The following CATSPERB variants were observed in gnomAD, a reference collection of about 807,000 sequenced individuals.
CATSPERB encodes the protein cation channel sperm-associated auxiliary subunit beta.
A neutral mutation model predicts 128.3 loss-of-function variants in CATSPERB; 93 were observed. The ratio of observed to expected loss-of-function variants is 0.72; its 90% confidence interval spans 0.61 to 0.86. The LOEUF (loss-of-function observed/expected upper bound fraction) is 0.86, where lower values mean the gene tolerates loss of function less well. Among genes scored for constraint, CATSPERB ranks in the 40% least tolerant of loss-of-function variants. The pLI, the probability that CATSPERB is intolerant of heterozygous loss-of-function variation, is 0.00. For synonymous variants in CATSPERB, 381 were observed against 448.8 expected, an observed-to-expected ratio of 0.85 and a Z score of 1.91; for missense variants, 1,153 against 1,329.5, an observed-to-expected ratio of 0.87 and a Z score of 2.06.
At chr14:91,591,295 T>C (rs1431607524) in intron 23 of CATSPERB, among the ~76,000 whole-genome samples, 1 of 151,970 alleles carries the variant, frequency 6.6e-6, no homozygotes, top group African/African-American at 2.4e-5. Context: ...CCTCAGGTGA[T>C]CCACCGGCGT....
intron 16 of CATSPERB, among the ~76,000 whole-genome samples, chr14:91,638,163 C>A (rs918089882): frequency 6.6e-6 from 1 of 152,184 alleles, no homozygotes; most frequent in Non-Finnish European, 1.5e-5. Context: ...GTTTTACTAA[C>A]CCCAGTCAAA....
At chr14:91,660,011 A>G (rs375641039) in intron 14 of CATSPERB, 30 bp from the exon 15 acceptor site, 7 of 1,541,002 alleles carry the variant, frequency 4.5e-6, no homozygotes, top group Non-Finnish European at 6.1e-6. Flanking sequence ...ATACCTTACT[A>G]AAGGGCTGCC....
At chr14:91,650,077 T>C (rs1472849108) in intron 15 of CATSPERB, among the ~76,000 whole-genome samples, 1 of 152,226 alleles carries the variant, frequency 6.6e-6, no homozygotes, top group African/African-American at 2.4e-5. Context: ...CGTCTTATAA[T>C]TGATGTGTCT....
intron 14 of CATSPERB, 127 bp downstream of exon 14, chr14:91,669,687 T>A: frequency 2.3e-6 from 2 of 872,700 alleles, no homozygotes; most frequent in South Asian, 2.1e-5. Flanking sequence ...AGTCAATAAA[T>A]ATTGTCTTCC....
intron 16 of CATSPERB, among the ~76,000 whole-genome samples, chr14:91,638,005 A>T (rs1704634): frequency 0.24 from 36,219 of 152,040 alleles, 4,500 homozygotes; most frequent in South Asian, 0.38. Context: ...AACTCTCCCA[A>T]GGAAGTTCCT....
chr14:91,602,895 G>GTCA (rs750170890), intron 22 of CATSPERB, among the ~76,000 whole-genome samples: 15 of 152,020 alleles, frequency 9.9e-5, no homozygotes, highest in Non-Finnish European at 7.4e-5. Flanking sequence ...CAGCATCATT[G>GTCA]TCATCATCAT....
At chr14:91,702,675 A>AACACACACACACACAC (rs71461951) in intron 7 of CATSPERB, among the ~76,000 whole-genome samples, 11 of 145,592 alleles carry the variant, frequency 7.6e-5, no homozygotes, top group Middle Eastern at 3.4e-3. Flanking sequence ...CAAAAAAGAA[A>AACACACACACACACAC]ACACACACAC....
At chr14:91,633,430 A>G (rs1463234675) in intron 17 of CATSPERB, among the ~76,000 whole-genome samples, 1 of 152,170 alleles carries the variant, frequency 6.6e-6, no homozygotes. Context: ...TAAAAAAAAA[A>G]GAAAACAATT....
At chr14:91,709,346 T>A (rs1192443570) in intron 5 of CATSPERB, 1 of 151,830 alleles carries the variant, frequency 6.6e-6, no homozygotes, top group East Asian at 1.9e-4. Context: ...ATGGGATTGG[T>A]TCAAAGTTGG....
chr14:91,623,789 G>A (rs1312912467), intron 18 of CATSPERB, among the ~76,000 whole-genome samples: 2 of 152,106 alleles, frequency 1.3e-5, no homozygotes, highest in African/African-American at 2.4e-5. Flanking sequence ...GTGGCTTCCC[G>A]TTTAGTCAGA....
At chr14:91,673,260 C>G (rs1280788238) in intron 12 of CATSPERB, among the ~76,000 whole-genome samples, 1 of 118,206 alleles carries the variant, frequency 8.5e-6, no homozygotes, top group Non-Finnish European at 1.9e-5. Context: ...TGAAACTCAA[C>G]GGATCACTGC....
At chr14:91,651,117 T>C (rs952777230) in intron 15 of CATSPERB, among the ~76,000 whole-genome samples, 3 of 152,332 alleles carry the variant, frequency 2.0e-5, no homozygotes, top group Admixed American at 6.5e-5. Context: ...TTTCTATGAA[T>C]TGCAATCTTT....
At chr14:91,700,291 C>A (rs769319865) in intron 7 of CATSPERB, among the ~76,000 whole-genome samples, 2 of 152,110 alleles carry the variant, frequency 1.3e-5, no homozygotes, top group African/African-American at 4.8e-5. Context: ...CATAGTAATA[C>A]GCTGCTGGAT....
At chr14:91,583,592 C>T (rs988282826) in intron 26 of CATSPERB, among the ~76,000 whole-genome samples, 2 of 152,290 alleles carry the variant, frequency 1.3e-5, no homozygotes, top group East Asian at 3.9e-4. Flanking sequence ...TCCAAATATT[C>T]CACACCATTT....
intron 17 of CATSPERB, chr14:91,636,148 A>G: frequency 3.5e-6 from 1 of 288,772 alleles, no homozygotes; most frequent in Non-Finnish European, 6.4e-6. Context: ...GAATCCCTTG[A>G]GCTCAGGGGT....
At chr14:91,633,464 G>C (rs1314964859) in intron 17 of CATSPERB, among the ~76,000 whole-genome samples, 1 of 151,882 alleles carries the variant, frequency 6.6e-6, no homozygotes, top group Non-Finnish European at 1.5e-5. Context: ...GTACAATCTT[G>C]TTAACAGAAC....
chr14:91,701,042 T>C (rs1186193178), intron 7 of CATSPERB, among the ~76,000 whole-genome samples: 1 of 152,136 alleles, frequency 6.6e-6, no homozygotes, highest in African/African-American at 2.4e-5. Context: ...GAAAGATCAT[T>C]GGAGGACAGG....
chr14:91,602,856 CTCT>C (rs1371203869), intron 22 of CATSPERB, among the ~76,000 whole-genome samples: 2 of 152,042 alleles, frequency 1.3e-5, no homozygotes, highest in Admixed American at 6.6e-5. Flanking sequence ...CCTCTTCTTG[CTCT>C]TCTTCATCAT....
Position 91,639,056 on chromosome 14 carries a change from T to C in CATSPERB, c.1587+40A>G, listed in dbSNP as rs1053559973. On this transcript the variant is annotated intron_variant, in intron 16 of 26. Coordinates refer to ENST00000256343, the MANE Select transcript of CATSPERB (RefSeq NM_024764.4). ...TATGTATTGAATGTGGCATCTATTC[T>C]TAAAATAAGGCAAACTGTTTCAATG... 2.5e-6 allele frequency: 4 copies of C among 1,569,780 alleles called. No homozygotes were observed. The African/African-American group carries it at 5.4e-5, about 21-fold the overall frequency.
Sources: gnomAD v4.1 joint callset for allele counts (sites outside exome capture counted in the v4.1 genomes callset) on GRCh38, gnomAD v4.1.1 for gene constraint, MANE v1.5 for transcripts, NCBI Gene and HGNC (gene_info 2026-07-23, HGNC 2026-07-21) for gene names.